Variants in PCGF3 observed in about 807,000 individuals in gnomAD.
PCGF3 encodes the protein polycomb group RING finger protein 3.
A neutral mutation model predicts 33.1 loss-of-function variants in PCGF3; 7 were observed. The ratio of observed to expected loss-of-function variants is 0.21; its 90% CI spans 0.12 to 0.40. PCGF3 has a LOEUF of 0.40. Among genes scored for constraint, PCGF3 ranks in the 10% least tolerant of loss-of-function variants. The pLI, the probability that PCGF3 is intolerant of heterozygous loss-of-function variation, is 1.00. For missense variants in PCGF3, 211 were observed against 313.3 expected, an observed-to-expected ratio of 0.67 and a Z score of 2.46; for synonymous variants, 153 against 121.3, an observed-to-expected ratio of 1.26 and a Z score of -1.72.
intron 9 of PCGF3, chr4:761,630 G>GT (rs1745064257): frequency 6.1e-6 from 6 of 978,454 alleles, no homozygotes; most frequent in Non-Finnish European, 3.6e-6. Flanking sequence ...GAATGCTACT[G>GT]TGAGTGGAAG....
intron 1 of PCGF3, among the ~76,000 whole-genome samples, chr4:728,733 A>G (rs549916388): frequency 8.5e-5 from 13 of 152,346 alleles, no homozygotes; most frequent in African/African-American, 3.1e-4. Context: ...AACTCCTGTC[A>G]GGAGCCGCCA....
Position 765,120 on chromosome 4 carries a change from T to TGC in PCGF3, c.681+57_681+58dup. Reference sequence around the variant, plus strand: ...GCTCTGAATGGCAGTGACTTTGCTGTGCATCTCTTATCTAAAATGTTAAAT... The same window carrying TGC: ...GCTCTGAATGGCAGTGACTTTGCTGTGCGCATCTCTTATCTAAAATGTTAAAT... On this transcript the variant is annotated intron_variant, in intron 10 of 10. Transcript: ENST00000362003. 2.5e-6 allele frequency: 3 copies of TGC among 1,216,156 alleles called. No homozygotes were observed. In the East Asian group the frequency reaches 7.0e-5, roughly 28 times the overall value. The allele number at this position is 1,216,156 out of a possible 1,614,324, so 75.3% of individuals were successfully genotyped here.
chr4:760,660 C>G (rs1745001512), intron 8 of PCGF3, among the ~76,000 whole-genome samples: 1 of 152,252 alleles, frequency 6.6e-6, no homozygotes, highest in Non-Finnish European at 1.5e-5. Context: ...GAGCGTCGCC[C>G]TTCCTTGTCA....
intron 8 of PCGF3, among the ~76,000 whole-genome samples, chr4:759,956 C>T (rs1560218006): frequency 6.6e-6 from 1 of 151,886 alleles, no homozygotes; most frequent in African/African-American, 2.4e-5. Context: ...CTCCCCACGG[C>T]CTCTCTCCCG....
At chr4:715,903 GA>G (rs1394520218) in intron 1 of PCGF3, among the ~76,000 whole-genome samples, 1 of 126,560 alleles carries the variant, frequency 7.9e-6, no homozygotes, top group African/African-American at 2.8e-5. Context: ...CTGAGGGTGA[GA>G]ACTGGGCGTC....
At chr4:743,142 G>A (rs1744166089) in intron 6 of PCGF3, among the ~76,000 whole-genome samples, 1 of 152,212 alleles carries the variant, frequency 6.6e-6, no homozygotes, top group South Asian at 2.1e-4. Context: ...GTGACGGGTG[G>A]TTCTGCGCCA....
chr4:751,835 C>T (rs772022379), intron 8 of PCGF3, among the ~76,000 whole-genome samples: 10 of 152,212 alleles, frequency 6.6e-5, no homozygotes, highest in African/African-American at 1.9e-4. Context: ...TGGCATCAGC[C>T]GGCCGCGCTG....
At chr4:713,307 A>G (rs79254414) in intron 1 of PCGF3, among the ~76,000 whole-genome samples, 555 of 19,644 alleles carry the variant, frequency 0.028, 3 homozygotes, top group Middle Eastern at 0.091. Flanking sequence ...TGGGGGCTGT[A>G]GCCTTGTGGG....
At chr4:760,725 C>T (rs1453333352) in intron 8 of PCGF3, among the ~76,000 whole-genome samples, 1 of 152,248 alleles carries the variant, frequency 6.6e-6, no homozygotes, top group African/African-American at 2.4e-5. Context: ...TCGTCCTGGG[C>T]AGATTCCTTT....
exon 11 of PCGF3, chr4:767,927 G>A (rs1745451390): frequency 6.5e-6 from 1 of 152,680 alleles, no homozygotes; most frequent in South Asian, 2.1e-4. Flanking sequence ...AGTTTTAAGT[G>A]TAACGTTAGA....
intron 10 of PCGF3, among the ~76,000 whole-genome samples, chr4:765,586 T>C (rs6815857): frequency 0.96 from 145,812 of 152,356 alleles, 69,849 homozygotes; most frequent in East Asian, 1. Context: ...AGGCCATGAG[T>C]GCCATGAGCA....
chr4:716,740 C>T (rs35655606), intron 1 of PCGF3, among the ~76,000 whole-genome samples: 2,913 of 105,902 alleles, frequency 0.028, 110 homozygotes, highest in Admixed American at 0.076. Flanking sequence ...GAGAACTGGG[C>T]GTCGGTGCTG....
At chr4:739,711 G>A (rs1281587045) in intron 6 of PCGF3, among the ~76,000 whole-genome samples, 1 of 152,238 alleles carries the variant, frequency 6.6e-6, no homozygotes, top group Non-Finnish European at 1.5e-5. Flanking sequence ...TGCCACCTCC[G>A]TTCCATCGCT....
At chr4:763,363 C>T (rs1306678874) in intron 9 of PCGF3, among the ~76,000 whole-genome samples, 2 of 152,072 alleles carry the variant, frequency 1.3e-5, no homozygotes, top group African/African-American at 4.8e-5. Context: ...AGGGCTGGTT[C>T]CTCCAGGGAA....
At position 724,559 on chromosome 4, in the gene PCGF3, G is replaced by A. The variant is rs765769838; in HGVS notation, c.-189-6071G>A. Among the ~76,000 whole-genome samples the A allele has an allele frequency of 4.6e-5, 7 of 152,206 alleles. No individual in the cohort carries two copies. In the South Asian group the frequency reaches 1.4e-3, roughly 31 times the overall value. On this transcript the variant is annotated intron_variant, in intron 1 of 10. Coordinates refer to ENST00000362003, the Ensembl canonical transcript of PCGF3. ...AAATTATTCTTGGCCGGGCACGGTG[G>A]CTCACATCTGTAATCCCAGCACTTT...
chr4:765,297 G>C (rs1176145820), intron 10 of PCGF3, among the ~76,000 whole-genome samples: 3 of 152,212 alleles, frequency 2.0e-5, no homozygotes, highest in African/African-American at 7.2e-5. Context: ...GCCAGGCGTA[G>C]TGGTGGGCAC....
intron 8 of PCGF3, among the ~76,000 whole-genome samples, chr4:753,498 C>T (rs1380041554): frequency 6.6e-6 from 1 of 151,962 alleles, no homozygotes; most frequent in Non-Finnish European, 1.5e-5. Flanking sequence ...ACTAAAAATA[C>T]AAAAAATTAG....
At chr4:742,387 G>A (rs1033497852) in intron 6 of PCGF3, among the ~76,000 whole-genome samples, 1 of 152,236 alleles carries the variant, frequency 6.6e-6, no homozygotes, top group Non-Finnish European at 1.5e-5. Context: ...TGGCCTGGCC[G>A]AGCTCATGGT....
At position 708,909 on chromosome 4, in the gene PCGF3, G is replaced by A. The variant is rs80029166; in HGVS notation, c.-190+2939G>A. Among the ~76,000 whole-genome samples, 698 of 152,348 alleles carry A rather than the reference G, an allele frequency of 4.6e-3. 4 individuals are homozygous for A. The highest frequency in any genetic ancestry group is 0.016 in the African/African-American group (676 of 41,562). Reference sequence around the variant, plus strand: ...CTCTCTAGTAAGGGAAGGAATTAAAGGATCCTGGTGGTGATCGGGCTGGGG... The same window carrying A: ...CTCTCTAGTAAGGGAAGGAATTAAAAGATCCTGGTGGTGATCGGGCTGGGG... On this transcript the variant is annotated intron_variant, in intron 1 of 10. Transcript: ENST00000362003.
Sources: allele counts gnomAD v4.1 joint callset (sites outside exome capture counted in the v4.1 genomes callset), GRCh38; gene constraint gnomAD v4.1.1; transcripts MANE v1.5; gene names NCBI Gene and HGNC (gene_info 2026-07-23, HGNC 2026-07-21).